AP3S2: variants seen among roughly 807,000 people sequenced by gnomAD.
The protein encoded by AP3S2 is adaptor related protein complex 3 subunit sigma 2.
A neutral mutation model predicts 23.4 loss-of-function variants in AP3S2; 22 were observed. The ratio of observed to expected loss-of-function variants is 0.94; its 90% confidence interval spans 0.67 to 1.34. The LOEUF (loss-of-function observed/expected upper bound fraction) is 1.34, where lower values mean the gene tolerates loss of function less well. AP3S2 is among the 40% of genes most tolerant of loss of function. The probability of loss-of-function intolerance (pLI) is 0.00; values close to 1 mark genes in which losing one functional copy is unlikely to be tolerated. For missense variants in AP3S2, 241 were observed against 236.9 expected, an observed-to-expected ratio of 1.02 and a Z score of -0.11; for synonymous variants, 86 against 87.1, an observed-to-expected ratio of 0.99 and a Z score of 0.07.
At position 89,888,506 on chromosome 15, in the gene AP3S2, G is replaced by C; in HGVS notation, c.273+15C>G. ...CTCTCTAAAGCTGCTGCCATCATTA[G>C]CTGACTACACATACCTGGATGAGGT... On this transcript the variant is annotated intron_variant, in intron 3 of 5. Transcript: ENST00000336418. 1 of 1,612,602 alleles carries C rather than the reference G, an allele frequency of 6.2e-7. No individual in the cohort carries two copies. The highest frequency in any genetic ancestry group is 8.5e-7 in the Non-Finnish European group (1 of 1,178,834).
chr15:89,861,715 C>T (rs1896012955), intron 4 of AP3S2, among the ~76,000 whole-genome samples: 2 of 151,944 alleles, frequency 1.3e-5, no homozygotes, highest in Admixed American at 1.3e-4. Context: ...TGAAGATTAC[C>T]CCAGTCAGTA....
intron 4 of AP3S2, among the ~76,000 whole-genome samples, chr15:89,871,062 T>C (rs781577152): frequency 1.8e-4 from 28 of 152,222 alleles, no homozygotes; most frequent in Non-Finnish European, 3.2e-4. Flanking sequence ...TTAGGAAAGA[T>C]ATAAATTTTA....
At chr15:89,859,607 C>A (rs1895962263) in intron 4 of AP3S2, among the ~76,000 whole-genome samples, 1 of 151,732 alleles carries the variant, frequency 6.6e-6, no homozygotes, top group East Asian at 1.9e-4. Flanking sequence ...GTTGGCCAGG[C>A]TGGTCTCGAA....
rs547514972 is a variant in AP3S2, at chr15:89,882,224, G to A, written c.273+6297C>T. Among the ~76,000 whole-genome samples, 6 of 152,020 alleles carry A rather than the reference G, an allele frequency of 3.9e-5. No individual in the cohort carries two copies. In the East Asian group the frequency reaches 5.8e-4, roughly 15 times the overall value. ...TGTTTTTAGCAGAATAGGCACAACCGTTTGCATAAAGACTTAGAGTAGTTT... is the reference window on the plus strand; with the variant it reads ...TGTTTTTAGCAGAATAGGCACAACCATTTGCATAAAGACTTAGAGTAGTTT... On this transcript the variant is annotated intron_variant, in intron 3 of 5. Transcript: ENST00000336418.
intron 3 of AP3S2, 141 bp downstream of exon 3, chr15:89,888,380 C>T: frequency 1.4e-6 from 1 of 707,060 alleles, no homozygotes; most frequent in South Asian, 2.0e-5. Context: ...CAGGAGCTCT[C>T]CCAGAGCACC....
intron 4 of AP3S2, among the ~76,000 whole-genome samples, chr15:89,841,338 T>TG (rs1725924556): frequency 6.6e-6 from 1 of 151,898 alleles, no homozygotes; most frequent in Non-Finnish European, 1.5e-5. Flanking sequence ...CCCAAACAGG[T>TG]GAAAAAGCTG....
At chr15:89,859,369 CCTTCCTTCCTTCCTTCCT>C (rs1402372866) in intron 4 of AP3S2, among the ~76,000 whole-genome samples, 25 of 107,824 alleles carry the variant, frequency 2.3e-4, no homozygotes, top group African/African-American at 9.4e-4. Context: ...TCCTTTCCTT[CCTTCCTTCCTTCCTTCCT>C]TTTCTTTCTT....
At chr15:89,847,375 CAAAAAAAAA>C (rs11314336) in intron 4 of AP3S2, among the ~76,000 whole-genome samples, 940 of 62,694 alleles carry the variant, frequency 0.015, 11 homozygotes, top group African/African-American at 0.056. Flanking sequence ...GACCCTGTTA[CAAAAAAAAA>C]AAAAAAAAAA....
chr15:89,875,460 G>A (rs1310967369), intron 3 of AP3S2, among the ~76,000 whole-genome samples: 13 of 152,116 alleles, frequency 8.5e-5, no homozygotes, highest in Admixed American at 5.9e-4. Context: ...AACGAAGGAC[G>A]AAAACACAAA....
Position 89,831,876 on chromosome 15 carries a change from G to A in AP3S2, c.*3639C>T, listed in dbSNP as rs1274728226. On this transcript the variant is annotated 3_prime_UTR_variant, in exon 6 of 6. Transcript: ENST00000336418. Reference sequence around the variant, plus strand: ...CAGCAGGGCACGATGTGATCAGGTAGGGCGTAGGGAAATGGGTTACTGTCC... The same window carrying A: ...CAGCAGGGCACGATGTGATCAGGTAAGGCGTAGGGAAATGGGTTACTGTCC... The A allele has an allele frequency of 1.3e-5, 2 of 152,282 alleles. No homozygotes were observed. The highest frequency in any genetic ancestry group is 2.9e-5 in the Non-Finnish European group (2 of 68,062). 9.4% of individuals were successfully genotyped at this position (152,282 alleles called of 1,614,324 possible).
chr15:89,879,550 A>G (rs1403420755), intron 3 of AP3S2, among the ~76,000 whole-genome samples: 4 of 152,206 alleles, frequency 2.6e-5, no homozygotes, highest in Admixed American at 2.6e-4. Context: ...AAGCTCCAGA[A>G]CTTAAATGAT....
intron 3 of AP3S2, among the ~76,000 whole-genome samples, chr15:89,874,418 T>G (rs947815074): frequency 1.3e-5 from 2 of 152,214 alleles, no homozygotes; most frequent in African/African-American, 4.8e-5. Flanking sequence ...AGGCTGTTTA[T>G]TTCACCTGGG....
chr15:89,893,787 CAA>C, intron 1 of AP3S2, 92 bp downstream of exon 1: 1 of 1,302,632 alleles, frequency 7.7e-7, no homozygotes, highest in Non-Finnish European at 1.1e-6. Flanking sequence ...CCCAGGTGAC[CAA>C]AGAGCGGTGC....
In AP3S2 at chr15:89,835,215, A is replaced by T. The variant is rs1596182953; in HGVS notation, c.*300T>A. ...CTTGGGAGCATCCATGTGAGAGGTA[A>T]AGGTGCAAATGACTTGGGCATGTTG... On this transcript the variant is annotated 3_prime_UTR_variant, in exon 6 of 6. Coordinates refer to ENST00000336418, the MANE Select transcript of AP3S2 (RefSeq NM_005829.5). 4.2e-6 allele frequency: 2 copies of T among 480,262 alleles called. No individual in the cohort carries two copies. Among genetic ancestry groups the T allele is most frequent in the East Asian group, 6.5e-5 (2 of 30,772 alleles). The allele number at this position is 480,262 out of a possible 1,614,324, so 29.8% of individuals were successfully genotyped here. A position where few individuals can be genotyped will look rare whatever the true frequency, so the allele number is the denominator to read the frequency against.
At chr15:89,891,573 C>T (rs1294315883) in intron 1 of AP3S2, among the ~76,000 whole-genome samples, 2 of 151,504 alleles carry the variant, frequency 1.3e-5, no homozygotes, top group Non-Finnish European at 2.9e-5. Context: ...GCAGGAGAAT[C>T]ACTTGAACCC....
intron 4 of AP3S2, among the ~76,000 whole-genome samples, chr15:89,860,279 A>T (rs1299835106): frequency 1.3e-5 from 2 of 152,226 alleles, no homozygotes; most frequent in Non-Finnish European, 2.9e-5. Flanking sequence ...AGGCACAGTA[A>T]GAGATTAACA....
At chr15:89,866,782 A>G (rs919924752) in intron 4 of AP3S2, among the ~76,000 whole-genome samples, 1 of 152,022 alleles carries the variant, frequency 6.6e-6, no homozygotes, top group African/African-American at 2.4e-5. Context: ...GACAACATCT[A>G]TAAGCAGCTG....
chr15:89,846,741 T>C (rs1895501541), intron 4 of AP3S2, among the ~76,000 whole-genome samples: 1 of 152,216 alleles, frequency 6.6e-6, no homozygotes, highest in African/African-American at 2.4e-5. Flanking sequence ...TTAGCCAGGA[T>C]GGTCTCGATC....
Position 89,890,318 on chromosome 15 carries a change from G to A in AP3S2, c.70-1178C>T, listed in dbSNP as rs574073965. Reference sequence around the variant, plus strand: ...ACCTGCTTTGGCCTCCCAAAGTGCTGGGATTACAGGTGTGAGCCACCATGT... The same window carrying A: ...ACCTGCTTTGGCCTCCCAAAGTGCTAGGATTACAGGTGTGAGCCACCATGT... On this transcript the variant is annotated intron_variant, in intron 1 of 5. Transcript: ENST00000336418. Among the ~76,000 whole-genome samples the A allele has an allele frequency of 2.6e-5, 4 of 152,300 alleles. No homozygotes were observed. The East Asian group carries it at 7.7e-4, about 29-fold the overall frequency.
Sources: gnomAD v4.1 joint callset for allele counts (sites outside exome capture counted in the v4.1 genomes callset) on GRCh38, gnomAD v4.1.1 for gene constraint, MANE v1.5 for transcripts, NCBI Gene and HGNC (gene_info 2026-07-23, HGNC 2026-07-21) for gene names.